TECPR2: variants seen among roughly 807,000 people sequenced by gnomAD.
The protein encoded by TECPR2 is tectonin beta-propeller repeat-containing protein 2.
In TECPR2, 65 loss-of-function variants were observed where a neutral mutation model predicts 138.1. That is an observed-to-expected ratio of 0.47 (90% CI 0.39 to 0.58). TECPR2 has a LOEUF of 0.58. Ranked by LOEUF, TECPR2 falls within the 20% of genes least tolerant of loss-of-function variation. The probability of loss-of-function intolerance (pLI) is 0.00; values close to 1 mark genes in which losing one functional copy is unlikely to be tolerated. For missense variants in TECPR2, 1,553 were observed against 1,824.5 expected, an observed-to-expected ratio of 0.85 and a Z score of 2.71; for synonymous variants, 746 against 749.8, an observed-to-expected ratio of 0.99 and a Z score of 0.08.
At chr14:102,366,672 A>G (rs71415893) in intron 1 of TECPR2, among the ~76,000 whole-genome samples, 27 of 152,196 alleles carry the variant, frequency 1.8e-4, no homozygotes, top group East Asian at 9.6e-4. Context: ...GATTGAGACT[A>G]TTGTTTTGCA....
chr14:102,366,895 G>A (rs1349851698), intron 1 of TECPR2, among the ~76,000 whole-genome samples: 1 of 152,196 alleles, frequency 6.6e-6, no homozygotes, highest in Non-Finnish European at 1.5e-5. Context: ...AGGGACAGTT[G>A]GGTACTCTTG....
chr14:102,370,525 G>A (rs1038924199), intron 1 of TECPR2, among the ~76,000 whole-genome samples: 3 of 152,232 alleles, frequency 2.0e-5, no homozygotes, highest in Non-Finnish European at 2.9e-5. Flanking sequence ...AGGCCAGGAC[G>A]TGAGAGGCCA....
chr14:102,363,734 C>G (rs561209700), intron 1 of TECPR2, among the ~76,000 whole-genome samples: 267 of 152,352 alleles, frequency 1.8e-3, no homozygotes, highest in Non-Finnish European at 3.1e-3. Context: ...GGCAAGTGCC[C>G]TACCTCACTC....
chr14:102,430,371 A>G (rs1889436500), intron 7 of TECPR2, among the ~76,000 whole-genome samples: 1 of 152,218 alleles, frequency 6.6e-6, no homozygotes, highest in African/African-American at 2.4e-5. Flanking sequence ...TCTGCCATTA[A>G]GTTATGTAAT....
chr14:102,472,686 G>A (rs1890675439), intron 17 of TECPR2, among the ~76,000 whole-genome samples: 1 of 152,188 alleles, frequency 6.6e-6, no homozygotes, highest in Admixed American at 6.5e-5. Context: ...ACTTTGCCAA[G>A]CACTGCCTTA....
intron 18 of TECPR2, 140 bp from the exon 19 acceptor site, chr14:102,497,430 C>A: frequency 8.1e-7 from 1 of 1,232,746 alleles, no homozygotes; most frequent in Non-Finnish European, 1.1e-6. Context: ...TCGGCTCCTG[C>A]CCCAAGCCCA....
intron 5 of TECPR2, among the ~76,000 whole-genome samples, chr14:102,422,006 C>T (rs916261418): frequency 5.9e-5 from 9 of 152,090 alleles, no homozygotes; most frequent in African/African-American, 1.9e-4. Context: ...TGAGAAATAA[C>T]GAGAACTCAG....
intron 2 of TECPR2, among the ~76,000 whole-genome samples, chr14:102,386,326 C>T (rs1429802683): frequency 2.6e-5 from 4 of 151,892 alleles, no homozygotes; most frequent in South Asian, 2.1e-4. Flanking sequence ...AAAAATTACC[C>T]GGGTGTGGTG....
At chr14:102,478,745 G>A (rs1190701058) in intron 17 of TECPR2, among the ~76,000 whole-genome samples, 1 of 152,032 alleles carries the variant, frequency 6.6e-6, no homozygotes, top group Non-Finnish European at 1.5e-5. Context: ...CCTAAGCATG[G>A]TGGCTCACAC....
intron 17 of TECPR2, among the ~76,000 whole-genome samples, chr14:102,469,286 T>G (rs887120977): frequency 2.6e-5 from 4 of 152,364 alleles, no homozygotes; most frequent in Non-Finnish European, 5.9e-5. Context: ...AGTATATGTT[T>G]TATACTGCTT....
chr14:102,386,427 G>A (rs752157393), intron 2 of TECPR2, among the ~76,000 whole-genome samples: 67 of 152,096 alleles, frequency 4.4e-4, no homozygotes, highest in African/African-American at 1.1e-3. Flanking sequence ...TAGAGATTGC[G>A]CCACTGCACT....
At chr14:102,409,118 G>A (rs1169448128) in intron 4 of TECPR2, among the ~76,000 whole-genome samples, 1 of 152,192 alleles carries the variant, frequency 6.6e-6, no homozygotes, top group Non-Finnish European at 1.5e-5. Context: ...ACCTCACAGA[G>A]CTTGCTTTCA....
Position 102,379,909 on chromosome 14 carries a change from A to G in TECPR2, c.219+2969A>G, listed in dbSNP as rs139103206. Among the ~76,000 whole-genome samples the G allele has an allele frequency of 1.1e-3, 150 of 136,962 alleles. 1 individual carries two copies. The highest frequency in any genetic ancestry group is 4.4e-3 in the Middle Eastern group (1 of 226). The allele number at this position is 136,962 out of a possible 152,430, so 89.9% of individuals were successfully genotyped here. ...CCTAGTCACACTGCTGAAGATCACC[A>G]TCTTAAAATCCATGCACAGAGGCAC... On this transcript the variant is annotated intron_variant, in intron 2 of 19. Transcript: ENST00000359520.
In TECPR2 at chr14:102,440,569, C is replaced by T. The variant is rs1889801916; in HGVS notation, c.2712C>T (p.Ala904=). 2 of 1,614,168 alleles carry T rather than the reference C, an allele frequency of 1.2e-6. No homozygotes were observed. Among genetic ancestry groups the T allele is most frequent in the Non-Finnish European group, 1.7e-6 (2 of 1,180,036 alleles). The part of the protein sequence containing the change: ...AVFVALSDDT[A]WIIRTSGDLY... ...TTGTGGCCCTGAGCGATGACACGGC[C>T]TGGATCATCAGGACCAGTGGGGACC... The change falls in exon 11 of 20, where the codon GCC becomes GCT. Residue 904 remains alanine (A), a synonymous_variant. Coordinates refer to ENST00000359520, the MANE Select transcript of TECPR2 (RefSeq NM_014844.5).
intron 16 of TECPR2, among the ~76,000 whole-genome samples, chr14:102,463,846 C>T (rs1890479103): frequency 1.4e-5 from 2 of 145,336 alleles, no homozygotes; most frequent in Middle Eastern, 4.4e-3. Flanking sequence ...ATCACTTGAA[C>T]CCAGGAGGCA....
chr14:102,442,797 A>G (rs532615264), intron 11 of TECPR2, among the ~76,000 whole-genome samples: 1 of 152,348 alleles, frequency 6.6e-6, no homozygotes, highest in African/African-American at 2.4e-5. Flanking sequence ...TTGAGTACTG[A>G]GACCTAATTG....
Position 102,443,796 on chromosome 14 carries a change from G to A in TECPR2, c.2902G>A (p.Glu968Lys). The A allele has an allele frequency of 6.3e-7, 1 of 1,599,276 alleles. No homozygotes were observed. Among genetic ancestry groups the A allele is most frequent in the Non-Finnish European group, 8.5e-7 (1 of 1,169,594 alleles). Reference protein sequence around the residue: ...YREGVSSFCPEGEQWKCDIVS... With the variant: ...YREGVSSFCPKGEQWKCDIVS... ...GGAGGGCGTGAGCAGCTTCTGTCCGGAAGGCGAGCAGTGGAAGTGTGACAT... is the reference window on the plus strand; with the variant it reads ...GGAGGGCGTGAGCAGCTTCTGTCCGAAAGGCGAGCAGTGGAAGTGTGACAT... The change falls in exon 12 of 20, where the codon GAA becomes AAA. Residue 968 changes from glutamate to lysine, a missense_variant. Glu to Lys is a moderately conservative substitution (Grantham distance 56). Coordinates refer to ENST00000359520, the MANE Select transcript of TECPR2 (RefSeq NM_014844.5). This position sits in a 1 kb window ranked among gnomAD's most constrained non-coding sequence, Gnocchi z 4.9.
At chr14:102,497,819 C>A in intron 19 of TECPR2, 100 bp downstream of exon 19, 1 of 1,398,988 alleles carries the variant, frequency 7.1e-7, no homozygotes, top group Non-Finnish European at 9.5e-7. Context: ...CCACTGGGCT[C>A]CAATCTCTCA....
chr14:102,471,927 G>A (rs1207013524), intron 17 of TECPR2, among the ~76,000 whole-genome samples: 2 of 152,092 alleles, frequency 1.3e-5, no homozygotes, highest in African/African-American at 4.8e-5. Flanking sequence ...ATATTCCTCT[G>A]GTAGCTCCAA....
Sources: allele counts gnomAD v4.1 joint callset (sites outside exome capture counted in the v4.1 genomes callset), GRCh38; gene constraint gnomAD v4.1.1; non-coding constraint Gnocchi (gnomAD v3.1); transcripts MANE v1.5; gene names NCBI Gene and HGNC (gene_info 2026-07-23, HGNC 2026-07-21).